Variants in METTL15 observed in about 807,000 individuals in gnomAD.
The protein encoded by METTL15 is methyltransferase 15, mitochondrial 12S rRNA N4-cytidine.
METTL15 carries 34 observed loss-of-function variants against 38.3 expected under a neutral mutation model. The observed-to-expected ratio is 0.89, with a 90% CI of 0.68 to 1.18. The LOEUF (loss-of-function observed/expected upper bound fraction) is 1.18. Among genes scored for constraint, METTL15 ranks in the 50% most tolerant of loss-of-function variants. The pLI is 0.00. For missense variants in METTL15, 438 were observed against 498.4 expected (o/e 0.88, Z 1.15); for synonymous variants, 162 against 170.9 (o/e 0.95, Z 0.41).
At chr11:28,433,011 C>T (rs549254992) in intron 6 of METTL15, among the ~76,000 whole-genome samples, 1 of 151,642 alleles carries the variant, frequency 6.6e-6, no homozygotes, top group Admixed American at 6.6e-5. Flanking sequence ...ATCAAAGATG[C>T]CAAAAACCTA....
chr11:28,184,767 C>T (rs1193549030), intron 3 of METTL15, among the ~76,000 whole-genome samples: 1 of 150,694 alleles, frequency 6.6e-6, no homozygotes. Flanking sequence ...TGTTCTTATG[C>T]GAAAGGAAAA....
chr11:28,371,984 T>A (rs1184680524), intron 5 of METTL15, among the ~76,000 whole-genome samples: 1 of 152,044 alleles, frequency 6.6e-6, no homozygotes, highest in Non-Finnish European at 1.5e-5. Flanking sequence ...TTTTTTTCTT[T>A]CTCTCACCTA....
chr11:28,134,641 C>T (rs192074301), intron 3 of METTL15: 3 of 398,424 alleles, frequency 7.5e-6, no homozygotes, highest in Admixed American at 4.4e-5. Context: ...AGGACTCCTC[C>T]TGAGGTCAGT....
At chr11:28,436,505 C>T (rs929799643) in intron 6 of METTL15, among the ~76,000 whole-genome samples, 5 of 152,058 alleles carry the variant, frequency 3.3e-5, no homozygotes, top group Non-Finnish European at 7.4e-5. Context: ...CCTGGCTAAT[C>T]CAAGGTTGCC....
intron 3 of METTL15, among the ~76,000 whole-genome samples, chr11:28,196,856 G>GA (rs1233770148): frequency 5.7e-4 from 86 of 151,942 alleles, no homozygotes; most frequent in African/African-American, 1.9e-3. Flanking sequence ...TAATAAGTCA[G>GA]GGTACCAATA....
At chr11:28,385,632 G>A (rs956616992) in intron 5 of METTL15, among the ~76,000 whole-genome samples, 2 of 151,906 alleles carry the variant, frequency 1.3e-5, no homozygotes, top group Non-Finnish European at 2.9e-5. Flanking sequence ...TGGACCTTTT[G>A]TAAAAAGGTT....
chr11:28,219,193 C>G (rs912726233), intron 4 of METTL15, among the ~76,000 whole-genome samples: 1 of 151,960 alleles, frequency 6.6e-6, no homozygotes, highest in South Asian at 2.1e-4. Context: ...TGGTCCTGGA[C>G]TTTTTTTGGT....
chr11:28,120,414 G>A (rs1852177146), intron 3 of METTL15, among the ~76,000 whole-genome samples: 1 of 151,834 alleles, frequency 6.6e-6, no homozygotes. Flanking sequence ...TCTAAAAAAT[G>A]TAGCACATTA....
rs561275818 is a variant in METTL15 at position 28,495,122 on chromosome 11, T to C, written c.*425-31356T>C. Among the ~76,000 whole-genome samples the C allele has an allele frequency of 1.2e-4, 19 of 152,304 alleles. No individual in the cohort carries two copies. In the South Asian group the frequency reaches 3.3e-3, roughly 27 times the overall value. On this transcript the variant is annotated intron_variant and NMD_transcript_variant, in intron 6 of 7. Transcript: ENST00000532947. ...AGTTATTGTGTTAAATTTCAGAGAT[T>C]CAAAGTGAAAACAACATTGTCCAAC...
chr11:28,242,854 A>T (rs187651218), intron 4 of METTL15, among the ~76,000 whole-genome samples: 26 of 152,228 alleles, frequency 1.7e-4, no homozygotes, highest in African/African-American at 6.3e-4. Context: ...CTTCTTCAAG[A>T]GTTGGTTAGT....
At chr11:28,260,674 A>G (rs1814643909) in intron 4 of METTL15, among the ~76,000 whole-genome samples, 2 of 152,212 alleles carry the variant, frequency 1.3e-5, no homozygotes, top group Non-Finnish European at 2.9e-5. Flanking sequence ...TAAAAGTATT[A>G]TAGACACAGA....
rs1054359168 is a variant in METTL15 at position 28,333,217 on chromosome 11, G to GA, written c.*2383dup. The stretch of plus-strand genomic sequence containing the variant: ...ATCCTAGGAAGCTAATACTCTGACA[G>GA]AAAAAAATCTTGGATAATATGCATG... On this transcript the variant is annotated 3_prime_UTR_variant, in exon 7 of 7. Coordinates refer to ENST00000407364, the MANE Select transcript of METTL15 (RefSeq NM_001113528.2). 6 of 151,792 alleles carry GA rather than the reference G, an allele frequency of 4.0e-5. No individual in the cohort carries two copies. The highest frequency in any genetic ancestry group is 7.3e-5 in the African/African-American group (3 of 41,276). The allele number at this position is 151,792 out of a possible 1,614,324, so 9.4% of individuals were successfully genotyped here. A position where few individuals can be genotyped will look rare whatever the true frequency, so the allele number is the denominator to read the frequency against.
At chr11:28,162,696 T>A (rs371543210) in intron 3 of METTL15, among the ~76,000 whole-genome samples, 4 of 152,218 alleles carry the variant, frequency 2.6e-5, no homozygotes, top group African/African-American at 9.6e-5. Flanking sequence ...TATTAGCCTA[T>A]AGTTGGGCAA....
chr11:28,359,538 C>G (rs1463352891), intron 4 of METTL15, among the ~76,000 whole-genome samples: 1 of 152,130 alleles, frequency 6.6e-6, no homozygotes, highest in Non-Finnish European at 1.5e-5. Context: ...TCATTCCCAC[C>G]AACAGTATAT....
intron 3 of METTL15, among the ~76,000 whole-genome samples, chr11:28,174,881 A>G (rs1038944870): frequency 6.6e-6 from 1 of 151,096 alleles, no homozygotes; most frequent in Admixed American, 6.6e-5. Context: ...AAAACCATAC[A>G]TCTTTCTATG....
chr11:28,132,919 A>T (rs752793781), intron 3 of METTL15, among the ~76,000 whole-genome samples: 7 of 152,164 alleles, frequency 4.6e-5, no homozygotes, highest in Admixed American at 2.0e-4. Flanking sequence ...TAACAAGAAG[A>T]TACATTTTTT....
chr11:28,134,509 A>G lies in METTL15; in HGVS notation c.270+20905A>G, dbSNP rs1004724027. 2.3e-5 allele frequency: 9 copies of G among 398,248 alleles called. No individual in the cohort carries two copies. In the South Asian group the frequency reaches 1.0e-3, roughly 45 times the overall value. 24.7% of individuals were successfully genotyped at this position (398,248 alleles called of 1,614,324 possible). On this transcript the variant is annotated intron_variant, in intron 3 of 6. Coordinates refer to ENST00000407364, the MANE Select transcript of METTL15 (RefSeq NM_001113528.2). ...GGATCCTTCTGGTACTGTCTGTCAA[A>G]AGCAAGCTGGCTAACCCCTTTCATT...
intron 6 of METTL15, among the ~76,000 whole-genome samples, chr11:28,425,517 G>T (rs544124294): frequency 1.1e-4 from 16 of 152,256 alleles, no homozygotes; most frequent in African/African-American, 3.6e-4. Context: ...TGTCTTTGGA[G>T]CTTTGAACAA....
intron 3 of METTL15, among the ~76,000 whole-genome samples, chr11:28,208,123 G>T (rs1049610673): frequency 2.0e-5 from 3 of 152,038 alleles, no homozygotes; most frequent in African/African-American, 7.2e-5. Flanking sequence ...GTTCTGCTCT[G>T]ATTTTAATTA....
Sources: allele counts gnomAD v4.1 joint callset (sites outside exome capture counted in the v4.1 genomes callset), GRCh38; gene constraint gnomAD v4.1.1; transcripts MANE v1.5; gene names NCBI Gene and HGNC (gene_info 2026-07-23, HGNC 2026-07-21).